Variants in SYT9 observed in about 807,000 individuals in gnomAD.
SYT9 encodes synaptotagmin-9.
SYT9 carries 22 observed loss-of-function variants against 48.4 expected under a neutral mutation model. The observed-to-expected ratio is 0.45, with a 90% confidence interval of 0.32 to 0.65. The LOEUF is 0.65. SYT9 is among the 30% of genes least tolerant of loss of function. The pLI, the probability that SYT9 is intolerant of heterozygous loss-of-function variation, is 0.03. For synonymous variants in SYT9, 265 were observed against 245.0 expected, an observed-to-expected ratio of 1.08 and a Z score of -0.76; for missense variants, 577 against 622.0, an observed-to-expected ratio of 0.93 and a Z score of 0.77.
intron 3 of SYT9, among the ~76,000 whole-genome samples, chr11:7,333,011 T>C (rs1268516995): frequency 6.6e-6 from 1 of 152,238 alleles, no homozygotes; most frequent in East Asian, 1.9e-4. Context: ...TGGCATTTGC[T>C]TGCTTGGAAA....
At chr11:7,273,110 C>G (rs1287585628) in intron 1 of SYT9, among the ~76,000 whole-genome samples, 1 of 151,986 alleles carries the variant, frequency 6.6e-6, no homozygotes, top group Non-Finnish European at 1.5e-5. Context: ...TAAAGGAAAT[C>G]TAAGGTTTCT....
intron 3 of SYT9, among the ~76,000 whole-genome samples, chr11:7,387,278 T>G (rs1276029480): frequency 6.6e-6 from 1 of 152,018 alleles, no homozygotes; most frequent in Non-Finnish European, 1.5e-5. Flanking sequence ...CTGCCCATTG[T>G]GCACATGTAC....
chr11:7,323,327 A>G (rs139809592), intron 3 of SYT9, among the ~76,000 whole-genome samples: 22 of 152,244 alleles, frequency 1.4e-4, no homozygotes, highest in African/African-American at 4.8e-4. Flanking sequence ...TGGACTTGCT[A>G]TACACTATAA....
upstream of SYT9, among the ~76,000 whole-genome samples, chr11:7,247,361 C>T (rs569097290): frequency 6.6e-6 from 1 of 151,790 alleles, no homozygotes; most frequent in East Asian, 1.9e-4. Context: ...TTTGGTTTTC[C>T]ATTCCTGAGT....
intron 3 of SYT9, among the ~76,000 whole-genome samples, chr11:7,315,946 A>C (rs1283496904): frequency 6.6e-6 from 1 of 152,174 alleles, no homozygotes; most frequent in Non-Finnish European, 1.5e-5. Flanking sequence ...TCTTCTGAGC[A>C]TTGATCTAAG....
upstream of SYT9, among the ~76,000 whole-genome samples, chr11:7,251,352 A>G (rs1847864443): frequency 6.6e-6 from 1 of 152,042 alleles, no homozygotes; most frequent in African/African-American, 2.4e-5. Flanking sequence ...TTTCCCAGGA[A>G]TCGTTTATTT....
intron 1 of SYT9, among the ~76,000 whole-genome samples, chr11:7,283,630 T>A (rs1848543599): frequency 6.6e-6 from 1 of 151,760 alleles, no homozygotes; most frequent in Non-Finnish European, 1.5e-5. Flanking sequence ...TTGGTTTAAC[T>A]GACTTTTTCA....
At chr11:7,370,807 A>C (rs2035638) in intron 3 of SYT9, among the ~76,000 whole-genome samples, 2 of 152,090 alleles carry the variant, frequency 1.3e-5, no homozygotes, top group Non-Finnish European at 2.9e-5. Flanking sequence ...TACAATAAGC[A>C]TGTTGACTAT....
At chr11:7,278,611 A>G (rs549855794) in intron 1 of SYT9, among the ~76,000 whole-genome samples, 192 of 152,274 alleles carry the variant, frequency 1.3e-3, no homozygotes, top group Middle Eastern at 3.4e-3. Context: ...ATTTTACTTG[A>G]TATTTGACTT....
chr11:7,388,037 C>T (rs941069346), intron 3 of SYT9, among the ~76,000 whole-genome samples: 6 of 152,036 alleles, frequency 3.9e-5, no homozygotes, highest in African/African-American at 1.4e-4. Context: ...GGGGAATATT[C>T]CCTCCTTGTG....
chr11:7,300,532 T>G (rs1848899394), intron 1 of SYT9, among the ~76,000 whole-genome samples: 1 of 152,238 alleles, frequency 6.6e-6, no homozygotes, highest in African/African-American at 2.4e-5. Flanking sequence ...ATCACATTCC[T>G]AAATCCTACG....
intron 3 of SYT9, among the ~76,000 whole-genome samples, chr11:7,323,264 C>A (rs976759162): frequency 1.3e-5 from 2 of 152,084 alleles, no homozygotes; most frequent in African/African-American, 4.8e-5. Context: ...TGACCACTTA[C>A]AATCCCACTA....
intron 6 of SYT9, among the ~76,000 whole-genome samples, chr11:7,421,052 C>A (rs1847346039): frequency 6.6e-6 from 1 of 152,094 alleles, no homozygotes. Flanking sequence ...TGATTCTGGG[C>A]AAGTGGGTTA....
At chr11:7,413,410 T>G (rs1187632121) in intron 3 of SYT9, among the ~76,000 whole-genome samples, 1 of 152,180 alleles carries the variant, frequency 6.6e-6, no homozygotes, top group African/African-American at 2.4e-5. Flanking sequence ...GCTCCCTCTT[T>G]GAAGCAATAC....
chr11:7,315,306 T>A (rs1343858731), intron 3 of SYT9, among the ~76,000 whole-genome samples: 4 of 152,154 alleles, frequency 2.6e-5, no homozygotes, highest in Admixed American at 6.5e-5. Flanking sequence ...AAATCCCAAC[T>A]GACAAAATCA....
intron 6 of SYT9, among the ~76,000 whole-genome samples, chr11:7,442,371 G>A (rs1847844345): frequency 6.6e-6 from 1 of 152,198 alleles, no homozygotes; most frequent in Admixed American, 6.5e-5. Context: ...CAGGGTGGAG[G>A]ATGGTGTCAG....
At chr11:7,377,490 T>C (rs1850475797) in intron 3 of SYT9, among the ~76,000 whole-genome samples, 1 of 152,156 alleles carries the variant, frequency 6.6e-6, no homozygotes, top group African/African-American at 2.4e-5. Context: ...GATCCTCTTT[T>C]ACTAAAGCAT....
chr11:7,246,963 G>A (rs1399475503), upstream of SYT9, among the ~76,000 whole-genome samples: 2 of 152,224 alleles, frequency 1.3e-5, no homozygotes, highest in Non-Finnish European at 2.9e-5. Context: ...ACAGTCAGAA[G>A]TCTGGGAAGT....
At chr11:7,315,775 C>T (rs551678518) in intron 3 of SYT9, among the ~76,000 whole-genome samples, 3 of 152,222 alleles carry the variant, frequency 2.0e-5, no homozygotes, top group African/African-American at 7.2e-5. Context: ...GAGATCACTG[C>T]CATTTCAGCA....
Sources: allele counts gnomAD v4.1 joint callset (sites outside exome capture counted in the v4.1 genomes callset), GRCh38; gene constraint gnomAD v4.1.1; transcripts MANE v1.5; gene names NCBI Gene and HGNC (gene_info 2026-07-23, HGNC 2026-07-21).